CCN3: variants seen among roughly 807,000 people sequenced by gnomAD.
CCN3 encodes CCN family member 3.
A neutral mutation model predicts 33.4 loss-of-function variants in CCN3; 20 were observed. The ratio of observed to expected loss-of-function variants is 0.60; its 90% CI spans 0.42 to 0.87. The LOEUF is 0.87. Among genes scored for constraint, CCN3 ranks in the 40% least tolerant of loss-of-function variants. The probability of loss-of-function intolerance (pLI) is 0.00; values close to 1 mark genes in which losing one functional copy is unlikely to be tolerated. For missense variants in CCN3, 465 were observed against 455.3 expected (o/e 1.02, Z -0.19); for synonymous variants, 205 against 170.4 (o/e 1.20, Z -1.58).
At chr8:119,417,998 A>G in intron 2 of CCN3, 60 bp from the exon 3 acceptor site, 2 of 1,525,834 alleles carry the variant, frequency 1.3e-6, no homozygotes, top group Non-Finnish European at 1.8e-6. Context: ...TCTTCACTGT[A>G]TTGTGTTCTT....
chr8:119,421,770 G>C (rs1231845927), intron 4 of CCN3, among the ~76,000 whole-genome samples: 1 of 152,100 alleles, frequency 6.6e-6, no homozygotes, highest in Non-Finnish European at 1.5e-5. Flanking sequence ...GCTTTGTACA[G>C]ACAAATTCAA....
intron 2 of CCN3, 143 bp from the exon 3 acceptor site, chr8:119,417,915 C>A: frequency 1.3e-6 from 1 of 777,600 alleles, no homozygotes. Flanking sequence ...ACAGTAGATA[C>A]ATGAGAAACC....
rs1166764834 is a variant in CCN3 at position 119,416,945 on chromosome 8, A to G, written c.286A>G (p.Ser96Gly). Residue 96 changes from serine (S) to glycine (G), a missense_variant, in exon 2 of 5, where the codon AGC becomes GGC. Physicochemically the swap from Ser to Gly is moderately conservative, Grantham distance 56 (BLOSUM62 0). Transcript: ENST00000259526. The part of the protein sequence containing the change: ...GLYCDRSADP[S>G]NQTGICTAVE... ...CTACTGTGATCGCAGCGCGGACCCC[A>G]GCAACCAGACTGGCATCTGCACGGG... 2 of 1,612,902 alleles carry G rather than the reference A, an allele frequency of 1.2e-6. No individual in the cohort carries two copies. Among genetic ancestry groups the G allele is most frequent in the Non-Finnish European group, 1.7e-6 (2 of 1,179,292 alleles).
rs778838879 is a variant in CCN3 at position 119,418,100 on chromosome 8, G to T, written c.353G>T (p.Arg118Leu). The change falls in exon 3 of 5, where the codon CGC becomes CTC. Residue 118 changes from arginine (R) to leucine (L), a missense_variant. Transcript: ENST00000259526. ...DNCVFDGVIY[R>L]SGEKFQPSCK... is the part of the protein sequence containing the mutation. Reference sequence around the variant, plus strand: ...TGTGTGTTCGATGGGGTCATCTACCGCAGTGGAGAGAAATTTCAGCCAAGC... The same window carrying T: ...TGTGTGTTCGATGGGGTCATCTACCTCAGTGGAGAGAAATTTCAGCCAAGC... The T allele has an allele frequency of 2.5e-6, 4 of 1,614,052 alleles. No individual in the cohort carries two copies. The highest frequency in any genetic ancestry group is 1.7e-5 in the Admixed American group (1 of 60,002).
chr8:119,416,728 T>C lies in CCN3; in HGVS notation c.85-16T>C, dbSNP rs747673032. 3 of 1,579,906 alleles carry C rather than the reference T, an allele frequency of 1.9e-6. No homozygotes were observed. The Admixed American group carries it at 5.5e-5, about 29-fold the overall frequency. On this transcript the variant is annotated splice_polypyrimidine_tract_variant and intron_variant, in intron 1 of 4. Coordinates refer to ENST00000259526, the MANE Select transcript of CCN3 (RefSeq NM_002514.4). ...GTCCCAGCTGAGTGGTTTCTCCTTG[T>C]CTCGCCTGCCTTCAGGTCGCTGCGA...
At chr8:119,419,605 A>G (rs1448955356) in intron 4 of CCN3, among the ~76,000 whole-genome samples, 1 of 152,282 alleles carries the variant, frequency 6.6e-6, no homozygotes, top group Non-Finnish European at 1.5e-5. Context: ...TGCTTTTCCC[A>G]ATAGAGAATG....
chr8:119,417,061 G>A, intron 2 of CCN3, 92 bp downstream of exon 2: 1 of 1,027,432 alleles, frequency 9.7e-7, no homozygotes, highest in Non-Finnish European at 1.4e-6. Context: ...TTCCCAGAGG[G>A]CGATAAGCAA....
In CCN3 at chr8:119,423,287, T is replaced by G. The variant is rs2130459440; in HGVS notation, c.*155T>G. The G allele has an allele frequency of 3.1e-6, 2 of 643,094 alleles. No individual in the cohort carries two copies. Among genetic ancestry groups the G allele is most frequent in the East Asian group, 5.5e-5 (2 of 36,172 alleles). The allele number at this position is 643,094 out of a possible 1,614,324, so 39.8% of individuals were successfully genotyped here. On this transcript the variant is annotated 3_prime_UTR_variant, in exon 5 of 5. Coordinates refer to ENST00000259526, the MANE Select transcript of CCN3 (RefSeq NM_002514.4). Reference sequence around the variant, plus strand: ...CATATGAGGACCTTTATATCTGTCTTTTATTTAACAAAAAATGTAATTAAC... The same window carrying G: ...CATATGAGGACCTTTATATCTGTCTGTTATTTAACAAAAAATGTAATTAAC...
intron 3 of CCN3, among the ~76,000 whole-genome samples, 155 bp from the exon 4 acceptor site, chr8:119,418,976 A>C (rs573738273): frequency 1.3e-5 from 2 of 152,356 alleles, no homozygotes; most frequent in African/African-American, 4.8e-5. Flanking sequence ...AAATAAATAA[A>C]TAGATAAATA....
chr8:119,423,781 A>T lies in CCN3; in HGVS notation c.*649A>T, dbSNP rs1260285473. The T allele has an allele frequency of 6.6e-6, 1 of 152,198 alleles. No homozygotes were observed. The highest frequency in any genetic ancestry group is 1.5e-5 in the Non-Finnish European group (1 of 68,044). The allele number at this position is 152,198 out of a possible 1,614,324, so 9.4% of individuals were successfully genotyped here. ...GTGTCATAAACTTTCTCCATTTAAGACACATTGACTCCTTTCCAATAGAAA... is the reference window on the plus strand; with the variant it reads ...GTGTCATAAACTTTCTCCATTTAAGTCACATTGACTCCTTTCCAATAGAAA... On this transcript the variant is annotated 3_prime_UTR_variant, in exon 5 of 5. Coordinates refer to ENST00000259526, the MANE Select transcript of CCN3 (RefSeq NM_002514.4).
chr8:119,416,900 TG>T lies in CCN3; in HGVS notation c.242del (p.Cys81SerfsTer25), dbSNP rs576840674. On this transcript the variant is annotated frameshift_variant, in exon 2 of 5. Coordinates refer to ENST00000259526, the MANE Select transcript of CCN3 (RefSeq NM_002514.4). LOFTEE classifies it high-confidence loss of function. ...RGESCSDLEP[C>X]DESSGLYCDR... The stretch of plus-strand genomic sequence containing the variant: ...CGAGAGCTGCTCAGATCTGGAGCCA[TG>T]CGACGAGAGCAGTGGCCTCTACTGT... 17 of 1,613,988 alleles carry T rather than the reference TG, an allele frequency of 1.1e-5. No homozygotes were observed. In the South Asian group the frequency reaches 1.3e-4, roughly 13 times the overall value.
At chr8:119,418,844 TA>T (rs1161500429) in intron 3 of CCN3, among the ~76,000 whole-genome samples, 2 of 152,140 alleles carry the variant, frequency 1.3e-5, no homozygotes, top group East Asian at 3.8e-4. Flanking sequence ...ATAGTTTAAA[TA>T]AAAAATCTCA....
intron 4 of CCN3, among the ~76,000 whole-genome samples, chr8:119,421,011 CT>C (rs770175066): frequency 0.017 from 1,282 of 74,976 alleles, 5 homozygotes; most frequent in East Asian, 0.091. Context: ...GACAGTGGTT[CT>C]TTTTTTTTTT....
At chr8:119,417,917 T>A (rs553303588) in intron 2 of CCN3, 141 bp from the exon 3 acceptor site, 1 of 803,812 alleles carries the variant, frequency 1.2e-6, no homozygotes, top group Non-Finnish European at 2.0e-6. Context: ...AGTAGATACA[T>A]GAGAAACCAG....
At chr8:119,417,418 G>A (rs2130452068) in intron 2 of CCN3, among the ~76,000 whole-genome samples, 1 of 152,300 alleles carries the variant, frequency 6.6e-6, no homozygotes, top group Non-Finnish European at 1.5e-5. Context: ...CAAAGCAGCT[G>A]CTAGTCTCCT....
rs551910527 is a variant in CCN3 at position 119,416,684 on chromosome 8, C to T, written c.85-60C>T. 3 of 1,584,250 alleles carry T rather than the reference C, an allele frequency of 1.9e-6. No individual in the cohort carries two copies. The African/African-American group carries it at 4.0e-5, about 21-fold the overall frequency. ...GCCTTGGTGGCCCCCATTTGGTCACCGGGCTCACTGCGTCTTCTGTCCCAG... is the reference window on the plus strand; with the variant it reads ...GCCTTGGTGGCCCCCATTTGGTCACTGGGCTCACTGCGTCTTCTGTCCCAG... On this transcript the variant is annotated intron_variant, in intron 1 of 4. Coordinates refer to ENST00000259526, the MANE Select transcript of CCN3 (RefSeq NM_002514.4).
At position 119,418,045 on chromosome 8, in the gene CCN3, C is replaced by T. The variant is rs1820076536; in HGVS notation, c.311-13C>T. Reference sequence around the variant, plus strand: ...TCCTCTTTGCTTTTCACTTTGCTTCCCCAATATTCTAGCGGTAGAGGGAGA... The same window carrying T: ...TCCTCTTTGCTTTTCACTTTGCTTCTCCAATATTCTAGCGGTAGAGGGAGA... On this transcript the variant is annotated splice_polypyrimidine_tract_variant and intron_variant, in intron 2 of 4. Coordinates refer to ENST00000259526, the MANE Select transcript of CCN3 (RefSeq NM_002514.4). The T allele has an allele frequency of 2.5e-6, 4 of 1,603,880 alleles. No individual in the cohort carries two copies. Among genetic ancestry groups the T allele is most frequent in the African/African-American group, 2.7e-5 (2 of 74,838 alleles).
chr8:119,416,621 G>C lies in CCN3; in HGVS notation c.84+5G>C, dbSNP rs1359394345. 1 of 1,613,286 alleles carries C rather than the reference G, an allele frequency of 6.2e-7. No homozygotes were observed. ...CTTCTCCATCTCCTGGGACAGGTAA[G>C]TGGCACACCCTTAAGATGCCCCCAA... On this transcript the variant is annotated splice_donor_5th_base_variant and intron_variant, in intron 1 of 4. Coordinates refer to ENST00000259526, the MANE Select transcript of CCN3 (RefSeq NM_002514.4).
In CCN3 at chr8:119,422,977, A is replaced by G; in HGVS notation, c.919A>G (p.Lys307Glu). 1 of 1,614,168 alleles carries G rather than the reference A, an allele frequency of 6.2e-7. No homozygotes were observed. Among genetic ancestry groups the G allele is most frequent in the South Asian group, 1.1e-5 (1 of 91,072 alleles). ...CCGCTGCTGCACTCCCCACAATACC[A>G]AAACCATCCAGGCAGAGTTTCAGTG... ...DGRCCTPHNT[K>E]TIQAEFQCSP... The change falls in exon 5 of 5, where the codon AAA becomes GAA. Residue 307 changes from lysine (K) to glutamate (E), a missense_variant. Coordinates refer to ENST00000259526, the MANE Select transcript of CCN3 (RefSeq NM_002514.4).
Sources: gnomAD v4.1 joint callset for allele counts (sites outside exome capture counted in the v4.1 genomes callset) on GRCh38, gnomAD v4.1.1 for gene constraint, MANE v1.5 for transcripts, NCBI Gene and HGNC (gene_info 2026-07-23, HGNC 2026-07-21) for gene names.